The following NCK2 variants were observed in gnomAD, a reference collection of about 807,000 sequenced individuals.
The protein encoded by NCK2 is cytoplasmic protein NCK2.
Under a neutral mutation model 33.9 loss-of-function variants are expected in NCK2, and 16 were observed. The observed-to-expected ratio is 0.47, with a 90% CI of 0.32 to 0.72. The LOEUF (loss-of-function observed/expected upper bound fraction) is 0.72. Among genes scored for constraint, NCK2 ranks in the 30% least tolerant of loss-of-function variants. The pLI, the probability that NCK2 is intolerant of heterozygous loss-of-function variation, is 0.03. For synonymous variants in NCK2, 273 were observed against 239.9 expected, an observed-to-expected ratio of 1.14 and a Z score of -1.27; for missense variants, 418 against 537.3, an observed-to-expected ratio of 0.78 and a Z score of 2.19.
At chr2:105,871,970 G>A (rs1259060511) in intron 3 of NCK2, among the ~76,000 whole-genome samples, 1 of 152,182 alleles carries the variant, frequency 6.6e-6, no homozygotes, top group Non-Finnish European at 1.5e-5. Flanking sequence ...GGAAATTGGT[G>A]CCCAAAAGGG....
intron 4 of NCK2, among the ~76,000 whole-genome samples, chr2:105,890,867 T>A (rs1162176854): frequency 6.6e-6 from 1 of 152,252 alleles, no homozygotes; most frequent in East Asian, 1.9e-4. Flanking sequence ...GACAATGGCC[T>A]AGTCCTTTGT....
chr2:105,880,976 C>T (rs1678452020), intron 3 of NCK2, among the ~76,000 whole-genome samples: 1 of 123,400 alleles, frequency 8.1e-6, no homozygotes, highest in Non-Finnish European at 1.6e-5. Context: ...TTTGCAGACA[C>T]GGTCTCGCTA....
chr2:105,766,738 G>C (rs558469790), intron 1 of NCK2, among the ~76,000 whole-genome samples: 2 of 152,314 alleles, frequency 1.3e-5, no homozygotes, highest in South Asian at 4.1e-4. Flanking sequence ...AACCAGCCCT[G>C]GCTCTGTCCC....
chr2:105,826,938 G>A (rs1387516971), intron 2 of NCK2, among the ~76,000 whole-genome samples: 1 of 152,194 alleles, frequency 6.6e-6, no homozygotes, highest in African/African-American at 2.4e-5. Context: ...TTTAAAAGTA[G>A]AGAGTTACCA....
chr2:105,768,906 A>T (rs1439545321), intron 1 of NCK2, among the ~76,000 whole-genome samples: 3 of 152,176 alleles, frequency 2.0e-5, no homozygotes. Flanking sequence ...TGAGTTCATG[A>T]CGTGGAGGCT....
intron 2 of NCK2, among the ~76,000 whole-genome samples, chr2:105,850,638 T>C (rs1677031746): frequency 6.6e-6 from 1 of 152,200 alleles, no homozygotes; most frequent in East Asian, 1.9e-4. Flanking sequence ...AAAATTAGGT[T>C]TCCTTGAACT....
At chr2:105,828,990 C>T (rs1001780423) in intron 2 of NCK2, among the ~76,000 whole-genome samples, 3 of 152,158 alleles carry the variant, frequency 2.0e-5, no homozygotes, top group Non-Finnish European at 4.4e-5. Context: ...ACCCCCAGCT[C>T]TGAGTGATAT....
At chr2:105,782,525 G>A (rs1403353658) in intron 1 of NCK2, among the ~76,000 whole-genome samples, 1 of 152,232 alleles carries the variant, frequency 6.6e-6, no homozygotes, top group Non-Finnish European at 1.5e-5. Context: ...TGCTGGCTAT[G>A]TGAAGTGTCT....
At chr2:105,878,311 C>CA (rs1395332439) in intron 3 of NCK2, among the ~76,000 whole-genome samples, 2 of 152,238 alleles carry the variant, frequency 1.3e-5, no homozygotes, top group African/African-American at 2.4e-5. Flanking sequence ...TCCCAATCCC[C>CA]AGGACCTCAG....
intron 4 of NCK2, 45 bp from the exon 5 acceptor site, chr2:105,892,937 T>TC: frequency 6.5e-7 from 1 of 1,528,484 alleles, no homozygotes; most frequent in Non-Finnish European, 9.0e-7. Context: ...TAGACACAGC[T>TC]CCCCGCTGTG....
At chr2:105,871,307 G>C (rs1206559839) in intron 3 of NCK2, among the ~76,000 whole-genome samples, 1 of 151,874 alleles carries the variant, frequency 6.6e-6, no homozygotes, top group Non-Finnish European at 1.5e-5. Flanking sequence ...AGACAGGCAA[G>C]GTGCTGTCAG....
intron 3 of NCK2, among the ~76,000 whole-genome samples, chr2:105,872,385 G>A (rs1044879058): frequency 2.0e-5 from 3 of 152,176 alleles, no homozygotes; most frequent in African/African-American, 7.2e-5. Flanking sequence ...CAGCCGTGGT[G>A]TAGCCTGTCT....
intron 1 of NCK2, among the ~76,000 whole-genome samples, chr2:105,784,964 CGTTTTTGTTTTGTTTTT>C (rs1690625963): frequency 6.6e-6 from 1 of 152,018 alleles, no homozygotes; most frequent in East Asian, 1.9e-4. Context: ...TGTGTTTTTT[CGTTTTTGTTTTGTTTTT>C]GTTTTTGTTT....
At chr2:105,842,725 A>G (rs528145429) in intron 2 of NCK2, among the ~76,000 whole-genome samples, 10 of 152,314 alleles carry the variant, frequency 6.6e-5, no homozygotes, top group African/African-American at 2.4e-4. Flanking sequence ...ACTCACAGCA[A>G]AGACTGCAGG....
At chr2:105,749,890 C>T (rs753614521) in intron 1 of NCK2, among the ~76,000 whole-genome samples, 31 of 152,022 alleles carry the variant, frequency 2.0e-4, no homozygotes, top group Non-Finnish European at 4.1e-4. Context: ...AGAGGCCGGG[C>T]GCAGTGGCTC....
intron 1 of NCK2, among the ~76,000 whole-genome samples, chr2:105,765,413 T>C (rs1314197917): frequency 3.3e-5 from 5 of 152,234 alleles, no homozygotes; most frequent in African/African-American, 9.6e-5. Flanking sequence ...CATTCCATCA[T>C]GGTCATCCTG....
intron 2 of NCK2, among the ~76,000 whole-genome samples, chr2:105,842,323 TG>T (rs35114253): frequency 0.2 from 30,341 of 151,974 alleles, 3,684 homozygotes; most frequent in East Asian, 0.32. Flanking sequence ...TGACCTCAGG[TG>T]ATCTACCTGC....
At chr2:105,786,936 C>T (rs571540569) in intron 1 of NCK2, among the ~76,000 whole-genome samples, 5 of 152,346 alleles carry the variant, frequency 3.3e-5, no homozygotes, top group South Asian at 2.1e-4. Context: ...CGTCCAGACT[C>T]GAAGCAGGGG....
intron 1 of NCK2, among the ~76,000 whole-genome samples, chr2:105,763,082 C>T (rs144892712): frequency 0.016 from 2,501 of 152,238 alleles, 70 homozygotes; most frequent in African/African-American, 0.057. Flanking sequence ...CCTGTAGTCC[C>T]AGCTACTCAG....
Sources: gnomAD v4.1 joint callset for allele counts (sites outside exome capture counted in the v4.1 genomes callset) on GRCh38, gnomAD v4.1.1 for gene constraint, MANE v1.5 for transcripts, NCBI Gene and HGNC (gene_info 2026-07-23, HGNC 2026-07-21) for gene names.